Variants in TNFAIP8 observed in about 807,000 individuals in gnomAD.
TNFAIP8 encodes tumor necrosis factor alpha-induced protein 8.
A neutral mutation model predicts 13.3 loss-of-function variants in TNFAIP8; 7 were observed. The observed-to-expected ratio is 0.52, with a 90% CI of 0.30 to 0.99. The LOEUF is 0.99. TNFAIP8 is among the 50% of genes least tolerant of loss of function. The pLI is 0.07. For synonymous variants in TNFAIP8, 94 were observed against 87.6 expected (o/e 1.07, Z -0.41); for missense variants, 258 against 236.9 (o/e 1.09, Z -0.58).
chr5:119,310,661 C>G (rs1248406576), intron 1 of TNFAIP8, among the ~76,000 whole-genome samples: 5 of 152,088 alleles, frequency 3.3e-5, no homozygotes, highest in African/African-American at 1.2e-4. Context: ...ATGGTAAAAC[C>G]CTGTCTCTAC....
At chr5:119,363,865 G>A (rs141424766) in intron 1 of TNFAIP8, among the ~76,000 whole-genome samples, 53 of 152,296 alleles carry the variant, frequency 3.5e-4, no homozygotes, top group East Asian at 2.1e-3. Context: ...GACCAACTGG[G>A]TATAAATTGG....
chr5:119,395,133 C>G lies in TNFAIP8; in HGVS notation c.*1752C>G, dbSNP rs886257177. On this transcript the variant is annotated 3_prime_UTR_variant, in exon 2 of 2. Transcript: ENST00000504771. Reference sequence around the variant, plus strand: ...TCCTGTTTGATATTAAATCCTGACACTAAGATTTGAACTGAAAGTATCATT... The same window carrying G: ...TCCTGTTTGATATTAAATCCTGACAGTAAGATTTGAACTGAAAGTATCATT... 7 of 152,304 alleles carry G rather than the reference C, an allele frequency of 4.6e-5. No individual in the cohort carries two copies. The highest frequency in any genetic ancestry group is 3.4e-3 in the Middle Eastern group (1 of 294). The allele number at this position is 152,304 out of a possible 1,614,324, so 9.4% of individuals were successfully genotyped here. A position where few individuals can be genotyped will look rare whatever the true frequency, so the allele number is the denominator to read the frequency against.
chr5:119,318,949 A>G (rs545116029), intron 1 of TNFAIP8, among the ~76,000 whole-genome samples: 1 of 152,336 alleles, frequency 6.6e-6, no homozygotes, highest in Non-Finnish European at 1.5e-5. Context: ...GACTAGAAGA[A>G]TAACAGCTCA....
At chr5:119,304,321 G>T (rs978301269) in intron 1 of TNFAIP8, among the ~76,000 whole-genome samples, 10 of 152,056 alleles carry the variant, frequency 6.6e-5, no homozygotes, top group African/African-American at 2.2e-4. Context: ...TCAGAATCAA[G>T]TTCAAACTCC....
chr5:119,302,671 T>C (rs1749432869), intron 1 of TNFAIP8, among the ~76,000 whole-genome samples: 1 of 152,216 alleles, frequency 6.6e-6, no homozygotes, highest in African/African-American at 2.4e-5. Context: ...CCATCATCTT[T>C]TCATTAGGTT....
At chr5:119,278,312 A>G (rs1241547736) in intron 1 of TNFAIP8, among the ~76,000 whole-genome samples, 1 of 150,852 alleles carries the variant, frequency 6.6e-6, no homozygotes, top group African/African-American at 2.4e-5. Flanking sequence ...AGCAACAGGT[A>G]TCACAGGTTC....
chr5:119,362,971 GA>G (rs1489932211), intron 1 of TNFAIP8, among the ~76,000 whole-genome samples: 2 of 152,170 alleles, frequency 1.3e-5, no homozygotes, highest in Admixed American at 1.3e-4. Context: ...GTCACAAAGG[GA>G]GAGTTGATTC....
chr5:119,374,129 G>C (rs549475265), intron 1 of TNFAIP8, among the ~76,000 whole-genome samples: 7 of 152,168 alleles, frequency 4.6e-5, no homozygotes, highest in Admixed American at 1.3e-4. Context: ...ATAAGTTAAA[G>C]TAAAATACAG....
chr5:119,345,798 C>G (rs1262624148), intron 1 of TNFAIP8, among the ~76,000 whole-genome samples: 2 of 152,048 alleles, frequency 1.3e-5, no homozygotes, highest in East Asian at 3.8e-4. Context: ...GATGATTGTA[C>G]AACAATGTGA....
At chr5:119,282,944 CATCTCACTT>C (rs1748679142) in intron 1 of TNFAIP8, among the ~76,000 whole-genome samples, 1 of 152,208 alleles carries the variant, frequency 6.6e-6, no homozygotes, top group Non-Finnish European at 1.5e-5. Context: ...TTAAAATTTT[CATCTCACTT>C]AGTGGGGCAT....
Position 119,398,186 on chromosome 5 carries a change from T to C in TNFAIP8, c.*4805T>C, listed in dbSNP as rs1753118123. 6.6e-6 allele frequency: 1 copy of C among 152,238 alleles called. No homozygotes were observed. Among genetic ancestry groups the C allele is most frequent in the South Asian group, 2.1e-4 (1 of 4,828 alleles). 9.4% of individuals were successfully genotyped at this position (152,238 alleles called of 1,614,324 possible). A position where few individuals can be genotyped will look rare whatever the true frequency, so the allele number is the denominator to read the frequency against. On this transcript the variant is annotated 3_prime_UTR_variant, in exon 2 of 2. Transcript: ENST00000504771. Reference sequence around the variant, plus strand: ...TCTTCATGGATGGCTGAGGAAATTCTCCGCCTTCCCTGACATCAGCTGCAT... The same window carrying C: ...TCTTCATGGATGGCTGAGGAAATTCCCCGCCTTCCCTGACATCAGCTGCAT...
chr5:119,360,072 T>C (rs566292617), intron 1 of TNFAIP8, among the ~76,000 whole-genome samples: 16 of 152,320 alleles, frequency 1.1e-4, no homozygotes, highest in Non-Finnish European at 2.1e-4. Flanking sequence ...CATTTGGAGC[T>C]TTTTTCCCCT....
At chr5:119,364,161 C>G (rs1751741091) in intron 1 of TNFAIP8, among the ~76,000 whole-genome samples, 1 of 152,164 alleles carries the variant, frequency 6.6e-6, no homozygotes, top group Admixed American at 6.5e-5. Context: ...TTTTAAACCT[C>G]TAATCACCTG....
chr5:119,386,287 A>T lies in TNFAIP8; in HGVS notation c.32-6529A>T, dbSNP rs756427476. Among the ~76,000 whole-genome samples the T allele has an allele frequency of 2.0e-5, 3 of 152,332 alleles. No individual in the cohort carries two copies. In the South Asian group the frequency reaches 6.2e-4, roughly 32 times the overall value. ...TTAATGAGGGAACCAGTAAGCTCTT[A>T]TATTTGGTTCAAGGAGGATCTTAAG... On this transcript the variant is annotated intron_variant, in intron 1 of 1. Transcript: ENST00000504771.
At chr5:119,272,408 A>G (rs914516506) in intron 1 of TNFAIP8, among the ~76,000 whole-genome samples, 11 of 152,228 alleles carry the variant, frequency 7.2e-5, no homozygotes, top group Non-Finnish European at 1.3e-4. Flanking sequence ...ATGTCTGTTG[A>G]TAAGAAGGAG....
chr5:119,392,800 C>T lies in TNFAIP8; in HGVS notation c.32-16C>T. On this transcript the variant is annotated splice_polypyrimidine_tract_variant and intron_variant, in intron 1 of 1. Transcript: ENST00000504771. ...TACTAATTGTTAATTCTTTTCCTCTCTTTTTTTTTTTTTAGTGGCCACAGA... is the reference window on the plus strand; with the variant it reads ...TACTAATTGTTAATTCTTTTCCTCTTTTTTTTTTTTTTTAGTGGCCACAGA... The T allele has an allele frequency of 1.5e-5, 21 of 1,399,652 alleles. No homozygotes were observed. The highest frequency in any genetic ancestry group is 2.7e-5 in the Admixed American group (1 of 37,066). The allele number at this position is 1,399,652 out of a possible 1,614,324, so 86.7% of individuals were successfully genotyped here. A position where few individuals can be genotyped will look rare whatever the true frequency, so the allele number is the denominator to read the frequency against.
At chr5:119,328,136 C>A (rs1356865158) in intron 1 of TNFAIP8, among the ~76,000 whole-genome samples, 1 of 152,126 alleles carries the variant, frequency 6.6e-6, no homozygotes, top group Non-Finnish European at 1.5e-5. Flanking sequence ...AAAATATAAT[C>A]TAAAATGACA....
intron 1 of TNFAIP8, among the ~76,000 whole-genome samples, chr5:119,366,555 A>T (rs1277931869): frequency 1.3e-5 from 2 of 152,178 alleles, no homozygotes; most frequent in African/African-American, 2.4e-5. Flanking sequence ...ATGGCAAATG[A>T]TGAAGTAGAA....
At chr5:119,359,884 G>A (rs73239280) in intron 1 of TNFAIP8, among the ~76,000 whole-genome samples, 32,427 of 152,126 alleles carry the variant, frequency 0.21, 3,599 homozygotes, top group Non-Finnish European at 0.22. Context: ...CTTAAACACC[G>A]GACTTTGACG....
Sources: allele counts gnomAD v4.1 joint callset (sites outside exome capture counted in the v4.1 genomes callset), GRCh38; gene constraint gnomAD v4.1.1; transcripts MANE v1.5; gene names NCBI Gene and HGNC (gene_info 2026-07-23, HGNC 2026-07-21).